VSIR: variants seen among roughly 807,000 people sequenced by gnomAD.
The protein encoded by VSIR is V-type immunoglobulin domain-containing suppressor of T-cell activation.
VSIR carries 10 observed loss-of-function variants against 31.0 expected under a neutral mutation model. The observed-to-expected ratio is 0.32, with a 90% CI of 0.20 to 0.55. VSIR has a LOEUF of 0.55. Among genes scored for constraint, VSIR ranks in the 20% least tolerant of loss-of-function variants. The pLI is 0.93. For missense variants in VSIR, 356 were observed against 416.2 expected, an observed-to-expected ratio of 0.86 and a Z score of 1.26; for synonymous variants, 179 against 180.1, an observed-to-expected ratio of 0.99 and a Z score of 0.05.
intron 3 of VSIR, among the ~76,000 whole-genome samples, chr10:71,759,978 C>A (rs1776943078): frequency 1.2e-5 from 1 of 81,196 alleles, no homozygotes; most frequent in African/African-American, 3.6e-5. Flanking sequence ...TATACACACA[C>A]ACATATATAT....
intron 1 of VSIR, among the ~76,000 whole-genome samples, chr10:71,764,766 T>C (rs920456530): frequency 1.3e-5 from 2 of 152,188 alleles, no homozygotes. Flanking sequence ...TGTGGCTTCT[T>C]GGGCTAGCTG....
intron 1 of VSIR, 139 bp from the exon 2 acceptor site, chr10:71,762,165 C>T: frequency 9.8e-7 from 1 of 1,018,608 alleles, no homozygotes; most frequent in Non-Finnish European, 1.4e-6. Flanking sequence ...CTAAGACTGC[C>T]TTCTGCATTT....
chr10:71,769,550 T>C (rs986090333), intron 1 of VSIR, among the ~76,000 whole-genome samples: 1 of 152,168 alleles, frequency 6.6e-6, no homozygotes, highest in African/African-American at 2.4e-5. Context: ...GATAAGCAAA[T>C]GACTGAAGCT....
At chr10:71,766,641 C>T (rs919418300) in intron 1 of VSIR, among the ~76,000 whole-genome samples, 1 of 152,178 alleles carries the variant, frequency 6.6e-6, no homozygotes, top group African/African-American at 2.4e-5. Context: ...ATGTGCTAGG[C>T]TCTTGCTGAG....
At chr10:71,760,314 CATAT>C (rs71018220) in intron 3 of VSIR, among the ~76,000 whole-genome samples, 2 of 82,416 alleles carry the variant, frequency 2.4e-5, no homozygotes. Flanking sequence ...TATACACACA[CATAT>C]ATATATATAT....
intron 3 of VSIR, among the ~76,000 whole-genome samples, chr10:71,759,924 C>CACACATATATAT (rs1840275022): frequency 1.1e-5 from 1 of 88,066 alleles, no homozygotes; most frequent in Non-Finnish European, 2.7e-5. Flanking sequence ...CATATATACA[C>CACACATATATAT]ACACACATAT....
chr10:71,766,923 C>T lies in VSIR; in HGVS notation c.83-4897G>A, dbSNP rs114519269. Reference sequence around the variant, plus strand: ...TGAACTGACCGTGCATTGACCTCCACGCCCTCCGTGCAACATTCCTGCTCT... The same window carrying T: ...TGAACTGACCGTGCATTGACCTCCATGCCCTCCGTGCAACATTCCTGCTCT... On this transcript the variant is annotated intron_variant, in intron 1 of 6. Transcript: ENST00000394957. 3.9e-3 allele frequency among the ~76,000 whole-genome samples: 599 copies of T among 152,340 alleles called. 1 individual carries two copies. The highest frequency in any genetic ancestry group is 0.014 in the African/African-American group (570 of 41,574).
At chr10:71,759,922 C>CACACACATATAT (rs1840274780) in intron 3 of VSIR, among the ~76,000 whole-genome samples, 3 of 40,290 alleles carry the variant, frequency 7.4e-5, no homozygotes, top group East Asian at 1.0e-3. Flanking sequence ...CACATATATA[C>CACACACATATAT]ACACACACAT....
At chr10:71,764,687 A>C (rs1840487088) in intron 1 of VSIR, among the ~76,000 whole-genome samples, 2 of 151,946 alleles carry the variant, frequency 1.3e-5, no homozygotes, top group South Asian at 4.2e-4. Context: ...TAATAATTCC[A>C]CCTGGCCTGC....
intron 1 of VSIR, among the ~76,000 whole-genome samples, chr10:71,769,367 C>G (rs576466635): frequency 9.2e-5 from 14 of 152,216 alleles, no homozygotes; most frequent in African/African-American, 3.1e-4. Context: ...TTTCCTGTTA[C>G]GTTCTTTTAT....
chr10:71,761,765 T>C lies in VSIR; in HGVS notation c.344A>G (p.Gln115Arg). The stretch of plus-strand genomic sequence containing the variant: ...GGAGGCCGACTCCAGCCCGTGGCGC[T>C]GAGCCAGGTCGTGGCTGGTGTTGGC... ...QAANTSHDLA[Q>R]RHGLESASDH... The change falls in exon 2 of 7, where the codon CAG becomes CGG. Residue 115 changes from glutamine to arginine, a missense_variant. Gln to Arg is a conservative substitution (Grantham distance 43). This residue lies in a region of VSIR where 166 missense variants were observed against 231.0 expected (regional missense o/e 0.72). Transcript: ENST00000394957. 6.2e-7 allele frequency: 1 copy of C among 1,614,188 alleles called. No individual in the cohort carries two copies. Among genetic ancestry groups the C allele is most frequent in the Non-Finnish European group, 8.5e-7 (1 of 1,180,036 alleles).
Position 71,752,963 on chromosome 10 carries a change from C to T in VSIR, c.704+12G>A, listed in dbSNP as rs1230790380. Reference sequence around the variant, plus strand: ...CAGGAAGTTTTCTCAAGAAGGTCTCCATGGGCCTTACCTGTCCATCCGCAC... The same window carrying T: ...CAGGAAGTTTTCTCAAGAAGGTCTCTATGGGCCTTACCTGTCCATCCGCAC... On this transcript the variant is annotated intron_variant, in intron 5 of 6. Coordinates refer to ENST00000394957, the MANE Select transcript of VSIR (RefSeq NM_022153.2). 4.3e-6 allele frequency: 7 copies of T among 1,612,666 alleles called. No individual in the cohort carries two copies. The highest frequency in any genetic ancestry group is 5.9e-6 in the Non-Finnish European group (7 of 1,179,306).
chr10:71,767,043 A>G (rs1310908341), intron 1 of VSIR, among the ~76,000 whole-genome samples: 1 of 152,232 alleles, frequency 6.6e-6, no homozygotes, highest in African/African-American at 2.4e-5. Flanking sequence ...GGCTGTGGGG[A>G]TGCAGAGTTC....
At chr10:71,765,689 GA>G (rs1473393441) in intron 1 of VSIR, among the ~76,000 whole-genome samples, 2 of 152,136 alleles carry the variant, frequency 1.3e-5, no homozygotes, top group African/African-American at 4.8e-5. Flanking sequence ...GGGAGTACGG[GA>G]GAGGGGGCAT....
rs865814152 is a variant in VSIR at position 71,759,972 on chromosome 10, C to T, written c.568+896G>A. Among the ~76,000 whole-genome samples the T allele has an allele frequency of 2.3e-3, 191 of 83,028 alleles. 1 individual carries two copies. The highest frequency in any genetic ancestry group is 4.2e-3 in the South Asian group (10 of 2,400). The allele number at this position is 83,028 out of a possible 152,430, so 54.5% of individuals were successfully genotyped here. ...ATATATATACACACACATATATATA[C>T]ACACACACATATATATACACACACA... On this transcript the variant is annotated intron_variant, in intron 3 of 6. Coordinates refer to ENST00000394957, the MANE Select transcript of VSIR (RefSeq NM_022153.2).
At chr10:71,761,046 T>A in intron 2 of VSIR, 122 bp from the exon 3 acceptor site, 1 of 944,320 alleles carries the variant, frequency 1.1e-6, no homozygotes, top group Non-Finnish European at 1.7e-6. Flanking sequence ...TCGGCAGTGT[T>A]GGCCCAGTGG....
At chr10:71,753,061 C>A in intron 4 of VSIR, 59 bp from the exon 5 acceptor site, 4 of 1,581,922 alleles carry the variant, frequency 2.5e-6, no homozygotes, top group Non-Finnish European at 3.4e-6. Flanking sequence ...CATACAACAT[C>A]CCTGCCCCTG....
rs146946504 is a variant in VSIR at position 71,766,429 on chromosome 10, G to A, written c.83-4403C>T. On this transcript the variant is annotated intron_variant, in intron 1 of 6. Transcript: ENST00000394957. ...TAGAGGAAGAGTGCCGTGAACCTGG[G>A]AAAGCCTGAGTCTCAGGAGTAAAAC... Among the ~76,000 whole-genome samples the A allele has an allele frequency of 5.3e-3, 809 of 152,242 alleles. 7 individuals are homozygous for A. The highest frequency in any genetic ancestry group is 0.019 in the South Asian group (91 of 4,816).
At position 71,760,771 on chromosome 10, in the gene VSIR, T is replaced by C. The variant is rs1589404847; in HGVS notation, c.568+97A>G. On this transcript the variant is annotated intron_variant, in intron 3 of 6. Transcript: ENST00000394957. The stretch of plus-strand genomic sequence containing the variant: ...GGAGGACCGGGGGGTTCTGAGGGCT[T>C]GGGGTGATGAGGCCAGAGTTCCAAA... The C allele has an allele frequency of 6.0e-6, 7 of 1,158,450 alleles. No individual in the cohort carries two copies. The East Asian group carries it at 1.6e-4, about 27-fold the overall frequency. The allele number at this position is 1,158,450 out of a possible 1,614,324, so 71.8% of individuals were successfully genotyped here.
Sources: gnomAD v4.1 joint callset for allele counts (sites outside exome capture counted in the v4.1 genomes callset) on GRCh38, gnomAD v4.1.1 for gene constraint, gnomAD v4.1.1 regional missense constraint, MANE v1.5 for transcripts, NCBI Gene and HGNC (gene_info 2026-07-23, HGNC 2026-07-21) for gene names.